The following MOCS1 variants were observed in gnomAD, a reference collection of about 807,000 sequenced individuals.
The protein encoded by MOCS1 is molybdenum cofactor biosynthesis protein 1.
A neutral mutation model predicts 57.6 loss-of-function variants in MOCS1; 39 were observed. The observed-to-expected ratio is 0.68, with a 90% CI of 0.52 to 0.88. The LOEUF (loss-of-function observed/expected upper bound fraction) is 0.88, where lower values mean the gene tolerates loss of function less well. Among genes scored for constraint, MOCS1 ranks in the 40% least tolerant of loss-of-function variants. MOCS1 has a pLI of 0.00. For missense variants in MOCS1, 795 were observed against 831.1 expected (o/e 0.96, Z 0.53); for synonymous variants, 334 against 335.7 (o/e 1.00, Z 0.05).
chr6:39,906,631 A>G lies in MOCS1; in HGVS notation c.1637T>C (p.Val546Ala). Residue 546 changes from valine to alanine, a missense_variant, in exon 11 of 11, where the codon GTG becomes GCG. Transcript: ENST00000340692. The part of the protein sequence containing the change: ...AQLAGVQAAK[V>A]TSQLIPLCHH... ...GCACAGAGGGATCAGCTGGCTGGTC[A>G]CCTTGGCTGCCTGGACTCCAGCCAG... is the stretch of plus-strand genomic sequence containing the variant. 6.2e-7 allele frequency: 1 copy of G among 1,613,762 alleles called. No homozygotes were observed.
In MOCS1 at chr6:39,913,400, T is replaced by C; in HGVS notation, c.674A>G (p.Asn225Ser). ...KVNCVVMRGL[N>S]EDELLDFAAL... Reference sequence around the variant, plus strand: ...CGCAAAGTCCAGGAGTTCATCCTCGTTAAGGCCTCGCATCACCACACAGTT... The same window carrying C: ...CGCAAAGTCCAGGAGTTCATCCTCGCTAAGGCCTCGCATCACCACACAGTT... The change falls in exon 6 of 11, where the codon AAC becomes AGC. Residue 225 changes from asparagine (N) to serine (S), a missense_variant. Asn to Ser is a conservative substitution (Grantham distance 46). Transcript: ENST00000340692. The C allele has an allele frequency of 6.2e-7, 1 of 1,614,228 alleles. No homozygotes were observed. Among genetic ancestry groups the C allele is most frequent in the Non-Finnish European group, 8.5e-7 (1 of 1,180,038 alleles).
Position 39,905,240 on chromosome 6 carries a change from T to TAATA in MOCS1, c.*1113_*1116dup, listed in dbSNP as rs935830232. The TAATA allele has an allele frequency of 5.5e-5, 25 of 454,308 alleles. No homozygotes were observed. The highest frequency in any genetic ancestry group is 3.8e-4 in the African/African-American group (19 of 50,110). The allele number at this position is 454,308 out of a possible 1,614,324, so 28.1% of individuals were successfully genotyped here. Reference sequence around the variant, plus strand: ...AATTAATTGCCCTCTCTGATCTCTCTAATAGCTGGTAATGCAAGCAATGAG... The same window carrying TAATA: ...AATTAATTGCCCTCTCTGATCTCTCTAATAAATAGCTGGTAATGCAAGCAATGAG... On this transcript the variant is annotated 3_prime_UTR_variant, in exon 11 of 11. Coordinates refer to ENST00000340692, the MANE Select transcript of MOCS1 (RefSeq NM_001358530.2).
rs1582810066 is a variant in MOCS1 at position 39,912,142 on chromosome 6, C to T, written c.981+122G>A. On this transcript the variant is annotated intron_variant, in intron 8 of 10. Coordinates refer to ENST00000340692, the MANE Select transcript of MOCS1 (RefSeq NM_001358530.2). ...CATGCCCCCAAACCTGACATTATTG[C>T]ACCAACCACCTCCCCCGACACCGTG... 8.7e-6 allele frequency: 7 copies of T among 801,456 alleles called. No individual in the cohort carries two copies. The East Asian group carries it at 1.5e-4, about 17-fold the overall frequency. The allele number at this position is 801,456 out of a possible 1,614,324, so 49.6% of individuals were successfully genotyped here.
chr6:39,912,412 G>A (rs761232163), intron 7 of MOCS1, 38 bp from the exon 8 acceptor site: 2 of 1,439,890 alleles, frequency 1.4e-6, no homozygotes, highest in Non-Finnish European at 2.0e-6. Flanking sequence ...GGCAGTGGAG[G>A]GGATGGGCTA....
chr6:39,923,844 C>A (rs1009697925), intron 3 of MOCS1, among the ~76,000 whole-genome samples: 1 of 152,238 alleles, frequency 6.6e-6, no homozygotes, highest in Non-Finnish European at 1.5e-5. Context: ...TATACAGCAG[C>A]TGCTTCCTCC....
In MOCS1 at chr6:39,914,556, C is replaced by T. The variant is rs74615921; in HGVS notation, c.584-721G>A. Among the ~76,000 whole-genome samples the T allele has an allele frequency of 9.9e-3, 1,510 of 152,266 alleles. 165 individuals carry two copies. In the East Asian group the frequency reaches 0.24, roughly 24 times the overall value. ...GGCTGACTTCTCACTGCCCAGTTCTCTCATGCATCCAATCACTTGATCACC... is the reference window on the plus strand; with the variant it reads ...GGCTGACTTCTCACTGCCCAGTTCTTTCATGCATCCAATCACTTGATCACC... On this transcript the variant is annotated intron_variant, in intron 4 of 10. Coordinates refer to ENST00000340692, the MANE Select transcript of MOCS1 (RefSeq NM_001358530.2).
chr6:39,929,939 C>CAAAAAAAAAAAAAAAAAAAAAAAAA (rs397948587), intron 1 of MOCS1, among the ~76,000 whole-genome samples: 1 of 96,738 alleles, frequency 1.0e-5, no homozygotes. Flanking sequence ...GAGATTCTCT[C>CAAAAAAAAAAAAAAAAAAAAAAAAA]AAAAAAAAAA....
At chr6:39,933,091 C>A (rs987895084) in intron 1 of MOCS1, among the ~76,000 whole-genome samples, 5 of 152,130 alleles carry the variant, frequency 3.3e-5, no homozygotes, top group African/African-American at 4.8e-5. Flanking sequence ...AGCTCTGCGA[C>A]TGGAGGAAAG....
rs73732319 is a variant in MOCS1, at chr6:39,913,765, C to G, written c.645+9G>C. ...AAGTCGGGAATCTACGGCAGGGGCA[C>G]GGCCTCACCTTCACAGGGTTGTAGC... On this transcript the variant is annotated intron_variant, in intron 5 of 10. Transcript: ENST00000340692. 7,160 of 1,613,920 alleles carry G rather than the reference C, an allele frequency of 4.4e-3. 229 individuals are homozygous for G. In the African/African-American group the frequency reaches 0.078, roughly 18 times the overall value.
chr6:39,920,859 G>A (rs1005857076), intron 3 of MOCS1, among the ~76,000 whole-genome samples: 1 of 151,812 alleles, frequency 6.6e-6, no homozygotes, highest in African/African-American at 2.4e-5. Flanking sequence ...TGCGCCTGTA[G>A]TCCCAACTAC....
Position 39,913,362 on chromosome 6 carries a change from C to A in MOCS1, c.712G>T (p.Gly238Cys). The stretch of plus-strand genomic sequence containing the variant: ...ATGAAGCGCACATCCAGGGGGAGGC[C>A]CTCAGTCAAGGCCGCAAAGTCCAGG... ...ELLDFAALTE[G>C]LPLDVRFIEY... The change falls in exon 6 of 11, where the codon GGC becomes TGC. Residue 238 changes from glycine to cysteine, a missense_variant. By Grantham distance (159) the Gly-to-Cys change is radical. Around this residue, in one of 3 missense-constraint regions of MOCS1, gnomAD observed 416 missense variants for 392.4 expected, o/e 1.06. Coordinates refer to ENST00000340692, the MANE Select transcript of MOCS1 (RefSeq NM_001358530.2). 6.2e-7 allele frequency: 1 copy of A among 1,614,192 alleles called. No homozygotes were observed. Among genetic ancestry groups the A allele is most frequent in the Non-Finnish European group, 8.5e-7 (1 of 1,180,032 alleles).
intron 3 of MOCS1, among the ~76,000 whole-genome samples, chr6:39,920,338 C>T (rs984359092): frequency 6.6e-6 from 1 of 152,148 alleles, no homozygotes; most frequent in African/African-American, 2.4e-5. Context: ...GTATTTGGCA[C>T]AACCATGTTA....
intron 7 of MOCS1, 82 bp from the exon 8 acceptor site, chr6:39,912,456 C>A (rs1767391729): frequency 2.0e-6 from 2 of 976,644 alleles, no homozygotes; most frequent in Non-Finnish European, 3.3e-6. Context: ...GACATCAGAA[C>A]CTCCACTCCT....
At chr6:39,925,389 C>T (rs1768217802) in intron 3 of MOCS1, among the ~76,000 whole-genome samples, 1 of 152,110 alleles carries the variant, frequency 6.6e-6, no homozygotes, top group Non-Finnish European at 1.5e-5. Context: ...TGGAGGTCAG[C>T]AAGAGCCAGG....
At chr6:39,931,374 A>AT (rs1768636051) in intron 1 of MOCS1, among the ~76,000 whole-genome samples, 1 of 141,816 alleles carries the variant, frequency 7.1e-6, no homozygotes, top group African/African-American at 2.8e-5. Flanking sequence ...AGAGGAAAAA[A>AT]AGCACATTCC....
chr6:39,920,875 A>G (rs1767925433), intron 3 of MOCS1, among the ~76,000 whole-genome samples: 1 of 151,170 alleles, frequency 6.6e-6, no homozygotes. Flanking sequence ...ACTACTCTAG[A>G]GGCTGAGGTG....
Position 39,913,017 on chromosome 6 carries a change from T to C in MOCS1, c.758-13A>G. 6.2e-7 allele frequency: 1 copy of C among 1,610,364 alleles called. No individual in the cohort carries two copies. The highest frequency in any genetic ancestry group is 2.2e-5 in the East Asian group (1 of 44,854). ...TTCCACTTGTTGCCTGTATTCGGGA[T>C]GGGGGAAGGCAAGGGGAGCTTCTGA... On this transcript the variant is annotated splice_polypyrimidine_tract_variant and intron_variant, in intron 6 of 10. Coordinates refer to ENST00000340692, the MANE Select transcript of MOCS1 (RefSeq NM_001358530.2).
chr6:39,907,737 G>GACCAGCAGC (rs895832399), intron 10 of MOCS1, among the ~76,000 whole-genome samples: 2 of 152,104 alleles, frequency 1.3e-5, no homozygotes, highest in East Asian at 3.9e-4. Flanking sequence ...TTGGCTTATG[G>GACCAGCAGC]ACCAGCAGCA....
Position 39,934,254 on chromosome 6 carries a change from C to G in MOCS1, c.123+41G>C, listed in dbSNP as rs368437379. ...AAAAGGGCAGTGTGCCGGGGCCACT[C>G]CTGCCCCGGGAAGCTGTGGACGCAG... On this transcript the variant is annotated intron_variant, in intron 1 of 10. Transcript: ENST00000340692. The G allele has an allele frequency of 8.2e-4, 1,233 of 1,509,574 alleles. 4 individuals are homozygous for G. Among genetic ancestry groups the G allele is most frequent in the Middle Eastern group, 6.2e-3 (35 of 5,668 alleles). 93.5% of individuals were successfully genotyped at this position (1,509,574 alleles called of 1,614,324 possible). A position where few individuals can be genotyped will look rare whatever the true frequency, so the allele number is the denominator to read the frequency against.
Sources: gnomAD v4.1 joint callset for allele counts (sites outside exome capture counted in the v4.1 genomes callset) on GRCh38, gnomAD v4.1.1 for gene constraint, gnomAD v4.1.1 regional missense constraint, MANE v1.5 for transcripts, NCBI Gene and HGNC (gene_info 2026-07-23, HGNC 2026-07-21) for gene names.